ACOT11: variants seen among roughly 807,000 people sequenced by gnomAD.
ACOT11 encodes acyl-coenzyme A thioesterase 11.
ACOT11 carries 69 observed loss-of-function variants against 77.5 expected under a neutral mutation model. The observed-to-expected ratio is 0.89, with a 90% confidence interval of 0.73 to 1.09. The LOEUF (loss-of-function observed/expected upper bound fraction) is 1.09. ACOT11 is among the 50% of genes least tolerant of loss of function. The pLI is 0.00. For missense variants in ACOT11, 766 were observed against 813.7 expected, an observed-to-expected ratio of 0.94 and a Z score of 0.71; for synonymous variants, 279 against 313.0, an observed-to-expected ratio of 0.89 and a Z score of 1.15.
Position 54,634,024 on chromosome 1 carries a change from T to TC in ACOT11, c.1783-662dup, listed in dbSNP as rs201145879. Among the ~76,000 whole-genome samples the TC allele has an allele frequency of 2.4e-3, 373 of 152,330 alleles. 3 individuals are homozygous for TC. Among genetic ancestry groups the TC allele is most frequent in the African/African-American group, 8.2e-3 (342 of 41,582 alleles). ...TTCTTCCACATACTAATTCACAGAC[T>TC]CCAACTCCTTATTTAGATCAAATCG... On this transcript the variant is annotated intron_variant, in intron 16 of 16. Coordinates refer to the ACOT11 transcript ENST00000371316.
At chr1:54,555,879 C>T (rs1285328070) in intron 1 of ACOT11, among the ~76,000 whole-genome samples, 1 of 152,230 alleles carries the variant, frequency 6.6e-6, no homozygotes, top group East Asian at 1.9e-4. Flanking sequence ...TCCCAAGTAG[C>T]TGGGATGACA....
At chr1:54,552,312 A>G (rs898426059) in intron 1 of ACOT11, among the ~76,000 whole-genome samples, 4 of 152,120 alleles carry the variant, frequency 2.6e-5, no homozygotes, top group Non-Finnish European at 5.9e-5. Flanking sequence ...ATATACGAGG[A>G]GTCCCAAAAC....
intron 1 of ACOT11, among the ~76,000 whole-genome samples, chr1:54,577,985 G>A (rs764125174): frequency 1.3e-5 from 2 of 152,184 alleles, no homozygotes; most frequent in Non-Finnish European, 2.9e-5. Flanking sequence ...TCCCTCTCGG[G>A]GCTGCATGAG....
In ACOT11 at chr1:54,607,915, TC is replaced by T; in HGVS notation, c.1503-23del. 6.2e-7 allele frequency: 1 copy of T among 1,613,202 alleles called. No homozygotes were observed. The highest frequency in any genetic ancestry group is 2.2e-5 in the East Asian group (1 of 44,858). On this transcript the variant is annotated intron_variant, in intron 14 of 15. Transcript: ENST00000343744. This position sits in a 1 kb window ranked among gnomAD's most constrained non-coding sequence, Gnocchi z 4.5. ...CACTTTCTTCTGTGGCTGACCCCTG[TC>T]CCCTTGCTACCCTTCCTTCACTCAG...
downstream of ACOT11, among the ~76,000 whole-genome samples, chr1:54,613,955 A>G (rs1170018025): frequency 6.6e-6 from 1 of 152,196 alleles, no homozygotes; most frequent in Non-Finnish European, 1.5e-5. Flanking sequence ...TCTATAATAT[A>G]GTTCCTGCAT....
At chr1:54,612,621 G>A (rs779876794), downstream of ACOT11, 38 of 1,613,954 alleles carry the variant, frequency 2.4e-5, no homozygotes, top group Middle Eastern at 3.3e-4. Context: ...TTGGGTGTAC[G>A]TCCTGTTTGG....
chr1:54,583,476 T>C lies in ACOT11; in HGVS notation c.34-1179T>C, dbSNP rs116683133. On this transcript the variant is annotated intron_variant, in intron 1 of 15. Coordinates refer to ENST00000343744, the MANE Select transcript of ACOT11 (RefSeq NM_147161.4). Reference sequence around the variant, plus strand: ...CCTGCAGCCGTGGCAGGCTCACCATTGGGGCATGCTGCTCTTTGCCACTAC... The same window carrying C: ...CCTGCAGCCGTGGCAGGCTCACCATCGGGGCATGCTGCTCTTTGCCACTAC... 8.7e-3 allele frequency among the ~76,000 whole-genome samples: 1,322 copies of C among 152,236 alleles called. 16 individuals carry two copies. The highest frequency in any genetic ancestry group is 0.03 in the African/African-American group (1,255 of 41,538).
At chr1:54,587,254 C>T (rs1654535371) in intron 3 of ACOT11, among the ~76,000 whole-genome samples, 1 of 152,110 alleles carries the variant, frequency 6.6e-6, no homozygotes. Flanking sequence ...GTAGCTCACG[C>T]CTGTAATCTC....
intron 4 of ACOT11, 82 bp downstream of exon 4, chr1:54,592,688 A>G: frequency 6.9e-7 from 1 of 1,450,080 alleles, no homozygotes; most frequent in Non-Finnish European, 9.5e-7. Flanking sequence ...CCTGCAGCCC[A>G]GGGCCACTCA....
chr1:54,623,562 A>C, intron 15 of ACOT11: 4 of 624,460 alleles, frequency 6.4e-6, no homozygotes, highest in Non-Finnish European at 1.1e-5. Context: ...ATAACCCCTG[A>C]AGCCCCTCCT....
chr1:54,632,743 C>T (rs114293491), intron 16 of ACOT11, among the ~76,000 whole-genome samples: 4,005 of 152,252 alleles, frequency 0.026, 169 homozygotes, highest in African/African-American at 0.091. Flanking sequence ...GATACAAGAA[C>T]GGACATTTCA....
chr1:54,587,826 T>G (rs529088802), intron 3 of ACOT11, among the ~76,000 whole-genome samples: 23 of 151,980 alleles, frequency 1.5e-4, no homozygotes, highest in Non-Finnish European at 7.4e-5. Flanking sequence ...CCTCCCAAAG[T>G]GCTGGGATTA....
In ACOT11 at chr1:54,632,074, C is replaced by T. The variant is rs568141916; in HGVS notation, c.1782+1188C>T. On this transcript the variant is annotated intron_variant, in intron 16 of 16. Transcript: ENST00000371316. ...TAAAAAAGAATGTAGAAAAAATCAG[C>T]GAGTCAGGCCACCAGATAGGGGAAA... is the stretch of plus-strand genomic sequence containing the variant. Among the ~76,000 whole-genome samples, 20 of 152,190 alleles carry T rather than the reference C, an allele frequency of 1.3e-4. No homozygotes were observed. In the East Asian group the frequency reaches 1.5e-3, roughly 12 times the overall value.
chr1:54,585,991 T>G (rs1654485084), intron 3 of ACOT11, 87 bp downstream of exon 3: 2 of 1,418,564 alleles, frequency 1.4e-6, no homozygotes, highest in East Asian at 4.7e-5. Context: ...CTGGTCAGCG[T>G]CTGTGCTGCC....
Position 54,609,110 on chromosome 1 carries a change from TA to T in ACOT11, c.1784del (p.Ter595=). On this transcript the variant is annotated frameshift_variant and stop_lost, in exon 16 of 16. Transcript: ENST00000343744. LOFTEE classifies it high-confidence loss of function. The stretch of plus-strand genomic sequence containing the variant: ...TCTGGCCCCCAGCCTCCAGACCCTC[TA>T]GATGCCCTCAGTGGCCACATCATGC... ...NDLAPSLQTL[*>X] The T allele has an allele frequency of 6.2e-7, 1 of 1,614,072 alleles. No individual in the cohort carries two copies. Among genetic ancestry groups the T allele is most frequent in the Admixed American group, 1.7e-5 (1 of 60,030 alleles).
Position 54,594,004 on chromosome 1 carries a change from T to G in ACOT11, c.436T>G (p.Leu146Val), listed in dbSNP as rs1654806201. Residue 146 changes from leucine to valine, a missense_variant, in exon 5 of 16, where the codon TTG becomes GTG. By Grantham distance (32) the Leu-to-Val change is conservative. Transcript: ENST00000343744. ...GAAGCAGTGGAATGTGTGCAAGGCC[T>G]TGGCCACCTTCGTGGCCCGCCGAGA... is the stretch of plus-strand genomic sequence containing the variant. ...SEKQWNVCKA[L>V]ATFVARREIT... The G allele has an allele frequency of 3.7e-6, 6 of 1,614,146 alleles. No individual in the cohort carries two copies. The highest frequency in any genetic ancestry group is 5.1e-6 in the Non-Finnish European group (6 of 1,179,986).
At chr1:54,605,654 T>C (rs1390511805) in intron 13 of ACOT11, among the ~76,000 whole-genome samples, 3 of 152,178 alleles carry the variant, frequency 2.0e-5, no homozygotes, top group Non-Finnish European at 4.4e-5. Context: ...GGACATAGCA[T>C]GGCCAGTTTG....
intron 4 of ACOT11, among the ~76,000 whole-genome samples, chr1:54,593,515 G>C (rs1306944517): frequency 7.7e-6 from 1 of 129,452 alleles, no homozygotes; most frequent in Non-Finnish European, 1.6e-5. Flanking sequence ...GCCCTGGCTT[G>C]TTTTGAACTC....
In ACOT11 at chr1:54,556,721, A is replaced by C. The variant is rs923772903; in HGVS notation, c.33+8379A>C. ...CTCAGTCCCCCGAGTAGCTGGGATTACAGGTGTGTGCCACCATGCCTGGCT... is the reference window on the plus strand; with the variant it reads ...CTCAGTCCCCCGAGTAGCTGGGATTCCAGGTGTGTGCCACCATGCCTGGCT... On this transcript the variant is annotated intron_variant, in intron 1 of 15. Transcript: ENST00000343744. Among the ~76,000 whole-genome samples the C allele has an allele frequency of 4.6e-5, 7 of 152,008 alleles. No homozygotes were observed. In the South Asian group the frequency reaches 1.2e-3, roughly 27 times the overall value.
Sources: gnomAD v4.1 joint callset for allele counts (sites outside exome capture counted in the v4.1 genomes callset) on GRCh38, gnomAD v4.1.1 for gene constraint, Gnocchi (gnomAD v3.1) non-coding constraint, MANE v1.5 for transcripts, NCBI Gene and HGNC (gene_info 2026-07-23, HGNC 2026-07-21) for gene names.